The following XRN1 variants were observed in gnomAD, a reference collection of about 807,000 sequenced individuals.
XRN1 encodes 5'-3' exoribonuclease 1.
In XRN1, 67 loss-of-function variants were observed where a neutral mutation model predicts 222.3. The observed-to-expected ratio is 0.30, with a 90% CI of 0.25 to 0.37. The LOEUF (loss-of-function observed/expected upper bound fraction) is 0.37. Ranked by LOEUF, XRN1 falls within the 10% of genes least tolerant of loss-of-function variation. XRN1 has a pLI of 1.00. For synonymous variants in XRN1, 643 were observed against 652.4 expected (o/e 0.99, Z 0.22); for missense variants, 1,707 against 2,000.2 (o/e 0.85, Z 2.80).
chr3:142,430,926 T>C (rs1169258391), intron 2 of XRN1, among the ~76,000 whole-genome samples: 1 of 152,180 alleles, frequency 6.6e-6, no homozygotes, highest in African/African-American at 2.4e-5. Context: ...AGTCACACAG[T>C]GGTGCTGATA....
At position 142,400,347 on chromosome 3, in the gene XRN1, A is replaced by C; in HGVS notation, c.2207+97T>G. ...TTTGGTACAGAGTGTAAATGTTCTT[A>C]ATATAATTTTGTCAGTTAAAAAAAT... On this transcript the variant is annotated intron_variant, in intron 19 of 40. Transcript: ENST00000392981. 3 of 976,602 alleles carry C rather than the reference A, an allele frequency of 3.1e-6. 1 individual carries two copies. 60.5% of individuals were successfully genotyped at this position (976,602 alleles called of 1,614,324 possible). A position where few individuals can be genotyped will look rare whatever the true frequency, so the allele number is the denominator to read the frequency against.
intron 37 of XRN1, among the ~76,000 whole-genome samples, chr3:142,319,594 T>C (rs1328046620): frequency 1.3e-5 from 2 of 152,160 alleles, no homozygotes; most frequent in Admixed American, 1.3e-4. Flanking sequence ...TGGTGAAGTA[T>C]GGACTTTAGT....
intron 27 of XRN1, among the ~76,000 whole-genome samples, chr3:142,366,653 G>A (rs1289131296): frequency 6.6e-6 from 1 of 152,132 alleles, no homozygotes; most frequent in Admixed American, 6.6e-5. Context: ...AATTTTAATA[G>A]AGTGAACAGT....
intron 39 of XRN1, among the ~76,000 whole-genome samples, chr3:142,315,895 ATTATTTGC>A (rs1577204391): frequency 6.6e-6 from 1 of 152,270 alleles, no homozygotes; most frequent in East Asian, 1.9e-4. Context: ...ACACTGTTCA[ATTATTTGC>A]TTATGCTACT....
At chr3:142,359,075 T>C (rs2066543994) in intron 30 of XRN1, among the ~76,000 whole-genome samples, 1 of 152,128 alleles carries the variant, frequency 6.6e-6, no homozygotes, top group Middle Eastern at 3.2e-3. Flanking sequence ...CCCAAGGAAA[T>C]ACAACGTTTA....
intron 37 of XRN1, among the ~76,000 whole-genome samples, chr3:142,325,790 T>C (rs948425830): frequency 6.6e-6 from 1 of 152,176 alleles, no homozygotes; most frequent in Non-Finnish European, 1.5e-5. Flanking sequence ...AGCAGTTTAA[T>C]AGCTACAGAT....
intron 29 of XRN1, among the ~76,000 whole-genome samples, chr3:142,363,257 T>C (rs1455325424): frequency 6.6e-6 from 1 of 152,112 alleles, no homozygotes; most frequent in Non-Finnish European, 1.5e-5. Flanking sequence ...TTTTTGCATA[T>C]GGTGTCTAAT....
chr3:142,417,047 G>T, intron 13 of XRN1, 93 bp downstream of exon 13: 21 of 763,610 alleles, frequency 2.8e-5, no homozygotes, highest in Non-Finnish European at 3.9e-5. Flanking sequence ...ATTACCATAA[G>T]TAGAAATAAA....
chr3:142,428,393 C>CA (rs56759656), intron 2 of XRN1, among the ~76,000 whole-genome samples: 1,379 of 85,304 alleles, frequency 0.016, 18 homozygotes, highest in South Asian at 0.033. Context: ...CAAGACTCTC[C>CA]AAAAAAAAAA....
chr3:142,431,883 ATTATATATAATAT>A (rs1403672999), intron 2 of XRN1, among the ~76,000 whole-genome samples: 1 of 49,994 alleles, frequency 2.0e-5, no homozygotes, highest in Non-Finnish European at 3.2e-5. Flanking sequence ...TATTATATAT[ATTATATATAATAT>A]ATATATTATA....
chr3:142,403,882 T>C lies in XRN1; in HGVS notation c.1991A>G (p.His664Arg). 2 of 1,613,186 alleles carry C rather than the reference T, an allele frequency of 1.2e-6. No individual in the cohort carries two copies. The highest frequency in any genetic ancestry group is 2.2e-5 in the East Asian group (1 of 44,756). ...ATAGCCACTGACTTTGTGTCTGATG[T>C]GTTTCAGAGTAGGAAATCCACAGAA... ...LYFCGFPTLK[H>R]IRHKFFLKKS... The change falls in exon 17 of 41, where the codon CAC (histidine) becomes CGC (arginine). Residue 664 changes from histidine to arginine, a missense_variant. By Grantham distance (29) the His-to-Arg change is conservative. This residue lies in a region of XRN1 where 1,234 missense variants were observed against 1,518.2 expected (regional missense o/e 0.81). Transcript: ENST00000392981.
chr3:142,393,714 A>G (rs1439523596), intron 20 of XRN1, among the ~76,000 whole-genome samples: 1 of 152,244 alleles, frequency 6.6e-6, no homozygotes, highest in Non-Finnish European at 1.5e-5. Context: ...CTCTGAAATC[A>G]CTAACACAAA....
intron 39 of XRN1, among the ~76,000 whole-genome samples, chr3:142,315,706 G>A (rs1001978904): frequency 4.6e-5 from 7 of 151,536 alleles, no homozygotes; most frequent in African/African-American, 1.7e-4. Context: ...TAGTAGAGAC[G>A]GTTTCACCAT....
chr3:142,383,094 T>G (rs889206345), intron 22 of XRN1, among the ~76,000 whole-genome samples: 8 of 152,206 alleles, frequency 5.3e-5, no homozygotes, highest in Non-Finnish European at 1.0e-4. Context: ...GATCCTAATC[T>G]GCTCAAGACT....
chr3:142,369,946 C>T (rs2066937338), intron 27 of XRN1, among the ~76,000 whole-genome samples: 5 of 151,102 alleles, frequency 3.3e-5, no homozygotes, highest in Admixed American at 3.3e-4. Flanking sequence ...ACTCAGGAGG[C>T]TGAGGCAGGA....
At chr3:142,402,224 C>T (rs2108023319) in intron 18 of XRN1, among the ~76,000 whole-genome samples, 1 of 152,036 alleles carries the variant, frequency 6.6e-6, no homozygotes, top group East Asian at 1.9e-4. Context: ...CTCTTGTCAC[C>T]CAGGCTGGAG....
At chr3:142,423,501 T>C in intron 6 of XRN1, 59 bp downstream of exon 6, 15 of 1,392,260 alleles carry the variant, frequency 1.1e-5, no homozygotes, top group Non-Finnish European at 1.5e-5. Context: ...ATGTATCTGT[T>C]AAAGAATTAC....
At chr3:142,371,018 C>A (rs1411540663) in intron 26 of XRN1, among the ~76,000 whole-genome samples, 1 of 151,826 alleles carries the variant, frequency 6.6e-6, no homozygotes. Flanking sequence ...GCCTAATAGG[C>A]CCAGCTACTC....
intron 37 of XRN1, among the ~76,000 whole-genome samples, chr3:142,324,373 G>T (rs559830957): frequency 1.2e-4 from 18 of 151,544 alleles, no homozygotes; most frequent in African/African-American, 4.1e-4. Context: ...GAAATAGTTT[G>T]CTGAGAATGA....
Sources: allele counts gnomAD v4.1 joint callset (sites outside exome capture counted in the v4.1 genomes callset), GRCh38; gene constraint gnomAD v4.1.1; regional missense constraint gnomAD v4.1.1; transcripts MANE v1.5; gene names NCBI Gene and HGNC (gene_info 2026-07-23, HGNC 2026-07-21).